The following CNTNAP2 variants were observed in gnomAD, a reference collection of about 807,000 sequenced individuals.
The protein encoded by CNTNAP2 is contactin-associated protein-like 2.
Under a neutral mutation model 155.2 loss-of-function variants are expected in CNTNAP2, and 98 were observed. That is an observed-to-expected ratio of 0.63 (90% CI 0.54 to 0.75). The LOEUF is 0.75. Ranked by LOEUF, CNTNAP2 falls within the 30% of genes least tolerant of loss-of-function variation. CNTNAP2 has a pLI of 0.00. For missense variants in CNTNAP2, 1,727 were observed against 1,688.1 expected, an observed-to-expected ratio of 1.02 and a Z score of -0.40; for synonymous variants, 651 against 631.2, an observed-to-expected ratio of 1.03 and a Z score of -0.47.
At chr7:147,380,137 A>T (rs1008394838) in intron 9 of CNTNAP2, among the ~76,000 whole-genome samples, 4 of 152,094 alleles carry the variant, frequency 2.6e-5, no homozygotes, top group Admixed American at 2.6e-4. Context: ...AGTATTTTAA[A>T]TAAATTATCT....
intron 1 of CNTNAP2, among the ~76,000 whole-genome samples, chr7:146,712,145 TATAGTATACATATCTTATGTATACAA>T (rs1801094420): frequency 1.6e-5 from 2 of 127,494 alleles, no homozygotes; most frequent in African/African-American, 5.8e-5. Context: ...ATGTATACTA[TATAGTATACATATCTTATGTATACAA>T]ATATGTATAC....
chr7:146,884,351 A>G (rs566664212), intron 3 of CNTNAP2, among the ~76,000 whole-genome samples: 1 of 152,164 alleles, frequency 6.6e-6, no homozygotes, highest in Non-Finnish European at 1.5e-5. Context: ...TTGCAGGTAC[A>G]TTGCAGCTAA....
intron 9 of CNTNAP2, among the ~76,000 whole-genome samples, chr7:147,360,856 T>C (rs1392554057): frequency 6.6e-6 from 1 of 152,086 alleles, no homozygotes; most frequent in East Asian, 1.9e-4. Context: ...AACAAAATTA[T>C]ATGAAAAGGT....
intron 3 of CNTNAP2, among the ~76,000 whole-genome samples, chr7:146,950,841 T>A (rs1797296802): frequency 6.6e-6 from 1 of 152,220 alleles, no homozygotes; most frequent in South Asian, 2.1e-4. Flanking sequence ...ATGGTATTTC[T>A]GGTTCTAGAT....
chr7:146,760,370 C>T (rs1434589793), intron 1 of CNTNAP2, among the ~76,000 whole-genome samples: 1 of 147,438 alleles, frequency 6.8e-6, no homozygotes, highest in Non-Finnish European at 1.5e-5. Context: ...CATTCCACTG[C>T]CACTGCCTTC....
At chr7:148,286,196 C>G (rs890003718) in intron 21 of CNTNAP2, among the ~76,000 whole-genome samples, 1 of 152,260 alleles carries the variant, frequency 6.6e-6, no homozygotes, top group East Asian at 1.9e-4. Context: ...TATAAGTAGA[C>G]TCATGCAGTT....
At chr7:147,442,322 C>T (rs1797656032) in intron 10 of CNTNAP2, among the ~76,000 whole-genome samples, 1 of 152,162 alleles carries the variant, frequency 6.6e-6, no homozygotes, top group Non-Finnish European at 1.5e-5. Context: ...TCCAGCCTAC[C>T]AAAAATGTTC....
intron 2 of CNTNAP2, among the ~76,000 whole-genome samples, chr7:146,831,264 A>G (rs986144876): frequency 2.6e-5 from 4 of 152,028 alleles, no homozygotes; most frequent in African/African-American, 9.7e-5. Flanking sequence ...TATGGTTTTT[A>G]GTTTTTGACT....
chr7:146,368,864 A>G (rs1029840789), intron 1 of CNTNAP2, among the ~76,000 whole-genome samples: 1 of 150,406 alleles, frequency 6.6e-6, no homozygotes, highest in Admixed American at 6.7e-5. Context: ...ATATATATAT[A>G]TAGATGCTTG....
chr7:146,479,274 G>T (rs966586542), intron 1 of CNTNAP2, among the ~76,000 whole-genome samples: 2 of 152,146 alleles, frequency 1.3e-5, no homozygotes, highest in Non-Finnish European at 2.9e-5. Context: ...GCCCTATAAA[G>T]ATGAGTTATC....
chr7:146,906,107 G>T (rs1365594138), intron 3 of CNTNAP2, among the ~76,000 whole-genome samples: 1 of 152,188 alleles, frequency 6.6e-6, no homozygotes, highest in Non-Finnish European at 1.5e-5. Context: ...CTTAAAAAAC[G>T]GCGCACCACG....
chr7:148,284,363 C>T (rs1241489167), intron 21 of CNTNAP2, among the ~76,000 whole-genome samples: 2 of 152,112 alleles, frequency 1.3e-5, no homozygotes, highest in East Asian at 1.9e-4. Flanking sequence ...CTCTCATTCT[C>T]TCTTGCCTGC....
chr7:148,374,966 T>G (rs1269023089), intron 21 of CNTNAP2, among the ~76,000 whole-genome samples: 1 of 152,164 alleles, frequency 6.6e-6, no homozygotes, highest in Non-Finnish European at 1.5e-5. Flanking sequence ...TCAGCAGAGC[T>G]TGTTATTCTT....
chr7:147,721,464 TGTG>T (rs1425755446), intron 13 of CNTNAP2, among the ~76,000 whole-genome samples: 1 of 152,090 alleles, frequency 6.6e-6, no homozygotes, highest in Non-Finnish European at 1.5e-5. Context: ...GGGTGGCATT[TGTG>T]GTGTATGCCT....
chr7:147,637,869 G>T (rs1169304220), intron 12 of CNTNAP2, among the ~76,000 whole-genome samples: 3 of 152,214 alleles, frequency 2.0e-5, no homozygotes, highest in Admixed American at 2.0e-4. Flanking sequence ...AAATTTGTCA[G>T]AAGTTAGGAA....
intron 13 of CNTNAP2, among the ~76,000 whole-genome samples, chr7:147,729,476 T>C (rs1796703376): frequency 6.7e-6 from 1 of 150,312 alleles, no homozygotes. Context: ...GATGGATCAA[T>C]GGCAAAGATG....
chr7:147,310,678 AAAAG>A (rs1391387659), intron 9 of CNTNAP2, among the ~76,000 whole-genome samples: 3 of 151,932 alleles, frequency 2.0e-5, no homozygotes, highest in Non-Finnish European at 2.9e-5. Flanking sequence ...TGCTTTAACA[AAAAG>A]AAAAAGAAAT....
chr7:147,733,866 G>A (rs1463834789), intron 13 of CNTNAP2, among the ~76,000 whole-genome samples: 1 of 152,130 alleles, frequency 6.6e-6, no homozygotes, highest in Non-Finnish European at 1.5e-5. Flanking sequence ...CATTGATTTT[G>A]TATCCTGAGA....
intron 3 of CNTNAP2, among the ~76,000 whole-genome samples, chr7:146,900,244 T>C (rs965799429): frequency 6.6e-6 from 1 of 152,160 alleles, no homozygotes; most frequent in African/African-American, 2.4e-5. Context: ...AATCACCAAA[T>C]TCTGTCAGTT....
Sources: allele counts gnomAD v4.1 joint callset (sites outside exome capture counted in the v4.1 genomes callset), GRCh38; gene constraint gnomAD v4.1.1; transcripts MANE v1.5; gene names NCBI Gene and HGNC (gene_info 2026-07-23, HGNC 2026-07-21).